NSUN6: variants seen among roughly 807,000 people sequenced by gnomAD.
NSUN6 encodes the protein tRNA (cytosine(72)-C(5))-methyltransferase NSUN6.
Under a neutral mutation model 58.0 loss-of-function variants are expected in NSUN6, and 64 were observed. That is an observed-to-expected ratio of 1.10 (90% confidence interval 0.90 to 1.36). The LOEUF is 1.36. NSUN6 is among the 40% of genes most tolerant of loss of function. NSUN6 has a pLI of 0.00. For missense variants in NSUN6, 701 were observed against 550.1 expected, an observed-to-expected ratio of 1.27 and a Z score of -2.74; for synonymous variants, 231 against 193.9, an observed-to-expected ratio of 1.19 and a Z score of -1.59.
intron 6 of NSUN6, among the ~76,000 whole-genome samples, chr10:18,599,384 G>A (rs2057718575): frequency 6.6e-6 from 1 of 152,168 alleles, no homozygotes; most frequent in Admixed American, 6.6e-5. Context: ...GAGCCACTGT[G>A]CCCGGTGACA....
intron 3 of NSUN6, among the ~76,000 whole-genome samples, chr10:18,639,371 G>A (rs1285180676): frequency 1.3e-5 from 2 of 152,124 alleles, no homozygotes; most frequent in African/African-American, 4.8e-5. Context: ...GCATGCGCCT[G>A]TAGCCCCAGC....
intron 3 of NSUN6, among the ~76,000 whole-genome samples, chr10:18,622,824 A>G (rs2058659810): frequency 6.6e-6 from 1 of 152,230 alleles, no homozygotes; most frequent in Non-Finnish European, 1.5e-5. Flanking sequence ...AGAAAGGAAG[A>G]AAGTTAATGT....
At chr10:18,628,354 T>C (rs1185262660) in intron 3 of NSUN6, among the ~76,000 whole-genome samples, 2 of 152,076 alleles carry the variant, frequency 1.3e-5, no homozygotes, top group Non-Finnish European at 2.9e-5. Context: ...GCACCTCTCC[T>C]CCTCCAAAGG....
At chr10:18,560,248 G>A (rs895404610) in intron 8 of NSUN6, among the ~76,000 whole-genome samples, 3 of 150,976 alleles carry the variant, frequency 2.0e-5, no homozygotes, top group Non-Finnish European at 4.4e-5. Context: ...GGCAGAGAAT[G>A]GAATGGATAA....
chr10:18,549,033 T>C (rs1370973869), intron 9 of NSUN6, among the ~76,000 whole-genome samples: 1 of 152,170 alleles, frequency 6.6e-6, no homozygotes, highest in Non-Finnish European at 1.5e-5. Flanking sequence ...TTCATCAACC[T>C]GCTTTATTCC....
At chr10:18,557,872 C>T (rs752422436) in intron 8 of NSUN6, among the ~76,000 whole-genome samples, 6 of 138,186 alleles carry the variant, frequency 4.3e-5, no homozygotes, top group Admixed American at 7.3e-5. Flanking sequence ...TGGAATGGAG[C>T]GTGGAATGGA....
At chr10:18,639,950 T>C (rs1319085487) in intron 3 of NSUN6, among the ~76,000 whole-genome samples, 1 of 152,214 alleles carries the variant, frequency 6.6e-6, no homozygotes, top group African/African-American at 2.4e-5. Context: ...TCTGCAGACA[T>C]GCTTATGCAA....
At chr10:18,609,118 G>A (rs1274327583) in intron 6 of NSUN6, among the ~76,000 whole-genome samples, 1 of 152,092 alleles carries the variant, frequency 6.6e-6, no homozygotes, top group African/African-American at 2.4e-5. Flanking sequence ...AGACCAGCCT[G>A]GGCCACAAAG....
intron 8 of NSUN6, among the ~76,000 whole-genome samples, chr10:18,555,985 A>G (rs1325721497): frequency 1.3e-5 from 2 of 150,758 alleles, no homozygotes; most frequent in Non-Finnish European, 3.0e-5. Context: ...ATTAAATAGA[A>G]TGGATAATAG....
chr10:18,633,649 A>T (rs1158496965), intron 3 of NSUN6, among the ~76,000 whole-genome samples: 1 of 152,162 alleles, frequency 6.6e-6, no homozygotes, highest in Non-Finnish European at 1.5e-5. Context: ...AAAAAAAATC[A>T]GAATCTAGGA....
At chr10:18,647,725 GTTTTTTTTT>G (rs571301351) in intron 2 of NSUN6, among the ~76,000 whole-genome samples, 1 of 100,090 alleles carries the variant, frequency 1.0e-5, no homozygotes. Flanking sequence ...TCAACACCTT[GTTTTTTTTT>G]TTTTTTTTTT....
At chr10:18,553,909 AT>A (rs2054788961) in intron 8 of NSUN6, among the ~76,000 whole-genome samples, 1 of 151,092 alleles carries the variant, frequency 6.6e-6, no homozygotes, top group Non-Finnish European at 1.5e-5. Context: ...GGAGAATGGA[AT>A]GGAATGGAAT....
chr10:18,626,298 G>C (rs577278997), intron 3 of NSUN6, among the ~76,000 whole-genome samples: 4 of 150,536 alleles, frequency 2.7e-5, no homozygotes, highest in South Asian at 2.1e-4. Context: ...CCAACACTTT[G>C]GGAGGCCGAG....
intron 6 of NSUN6, among the ~76,000 whole-genome samples, chr10:18,605,396 G>T (rs534492284): frequency 2.6e-5 from 4 of 152,102 alleles, no homozygotes; most frequent in Non-Finnish European, 5.9e-5. Flanking sequence ...GGGAAGAAGG[G>T]AGTCCTCTTA....
At chr10:18,565,629 T>G (rs529459026) in intron 8 of NSUN6, among the ~76,000 whole-genome samples, 1 of 151,128 alleles carries the variant, frequency 6.6e-6, no homozygotes, top group South Asian at 2.1e-4. Flanking sequence ...TGTTACATTT[T>G]CCATTCCATT....
intron 6 of NSUN6, among the ~76,000 whole-genome samples, chr10:18,603,653 T>C (rs2057937725): frequency 6.6e-6 from 1 of 151,894 alleles, no homozygotes; most frequent in Non-Finnish European, 1.5e-5. Flanking sequence ...GTGTGTGTAT[T>C]TTTAGTAGAG....
intron 8 of NSUN6, among the ~76,000 whole-genome samples, chr10:18,567,011 CTCTCCATTCCAT>C (rs1034529713): frequency 5.3e-5 from 8 of 150,158 alleles, no homozygotes; most frequent in Admixed American, 2.7e-4. Flanking sequence ...TTCCATTCTA[CTCTCCATTCCAT>C]TCTCCATTCC....
chr10:18,658,806 C>T (rs1440605326), upstream of NSUN6: 2 of 175,684 alleles, frequency 1.1e-5, no homozygotes, highest in African/African-American at 4.8e-5. Context: ...AAATTGAGTC[C>T]CCCTGGGCAA....
intron 3 of NSUN6, among the ~76,000 whole-genome samples, chr10:18,628,456 C>T (rs4628589): frequency 0.21 from 32,236 of 152,022 alleles, 3,757 homozygotes; most frequent in South Asian, 0.31. Flanking sequence ...CAAATTACTC[C>T]GAGCTACGGG....
Sources: allele counts gnomAD v4.1 joint callset (sites outside exome capture counted in the v4.1 genomes callset), GRCh38; gene constraint gnomAD v4.1.1; transcripts MANE v1.5; gene names NCBI Gene and HGNC (gene_info 2026-07-23, HGNC 2026-07-21).